The following TNRC6A variants were observed in gnomAD, a reference collection of about 807,000 sequenced individuals.
TNRC6A encodes the protein trinucleotide repeat-containing gene 6A protein.
In TNRC6A, 44 loss-of-function variants were observed where a neutral mutation model predicts 221.2. The ratio of observed to expected loss-of-function variants is 0.20; its 90% CI spans 0.16 to 0.26. The LOEUF (loss-of-function observed/expected upper bound fraction) is 0.26, where lower values mean the gene tolerates loss of function less well. Ranked by LOEUF, TNRC6A falls within the 10% of genes least tolerant of loss-of-function variation. The pLI, the probability that TNRC6A is intolerant of heterozygous loss-of-function variation, is 1.00. For missense variants in TNRC6A, 2,199 were observed against 2,404.4 expected, an observed-to-expected ratio of 0.91 and a Z score of 1.79; for synonymous variants, 847 against 838.5, an observed-to-expected ratio of 1.01 and a Z score of -0.18.
intron 2 of TNRC6A, among the ~76,000 whole-genome samples, chr16:24,698,888 T>G (rs940343729): frequency 6.6e-6 from 1 of 152,152 alleles, no homozygotes; most frequent in African/African-American, 2.4e-5. Flanking sequence ...TTTTGTATTT[T>G]TAGTAGAGAC....
intron 2 of TNRC6A, chr16:24,665,082 T>G (rs1252066013): frequency 2.3e-6 from 1 of 430,468 alleles, no homozygotes; most frequent in Non-Finnish European, 4.7e-6. Context: ...TTATTTATGT[T>G]AGAGACAAGG....
chr16:24,688,646 G>A (rs1348969714), intron 2 of TNRC6A, among the ~76,000 whole-genome samples: 1 of 152,158 alleles, frequency 6.6e-6, no homozygotes, highest in Non-Finnish European at 1.5e-5. Context: ...TCAGACAAGG[G>A]GCTCATGATC....
intron 2 of TNRC6A, among the ~76,000 whole-genome samples, chr16:24,649,807 T>C (rs1336529852): frequency 1.4e-5 from 2 of 142,244 alleles, no homozygotes; most frequent in African/African-American, 2.6e-5. Context: ...GCTTCCAGTC[T>C]CTCTCTCTCT....
intron 5 of TNRC6A, among the ~76,000 whole-genome samples, chr16:24,782,885 T>C (rs1362798422): frequency 6.6e-6 from 1 of 151,624 alleles, no homozygotes; most frequent in East Asian, 1.9e-4. Flanking sequence ...AAAAAAAGAG[T>C]GATTTGAAAC....
At chr16:24,758,240 GTA>G in intron 3 of TNRC6A, 97 bp from the exon 4 acceptor site, 2 of 1,180,528 alleles carry the variant, frequency 1.7e-6, no homozygotes, top group Non-Finnish European at 2.4e-6. Flanking sequence ...TAATAAAGGT[GTA>G]TATGTCTTAT....
At chr16:24,642,001 T>C (rs1158525221) in intron 2 of TNRC6A, among the ~76,000 whole-genome samples, 5 of 152,154 alleles carry the variant, frequency 3.3e-5, no homozygotes, top group Admixed American at 2.0e-4. Flanking sequence ...AGATGTATAT[T>C]GATAGGTTGG....
At chr16:24,728,472 A>AT (rs917231620), upstream of TNRC6A, among the ~76,000 whole-genome samples, 27 of 140,482 alleles carry the variant, frequency 1.9e-4, no homozygotes, top group Non-Finnish European at 4.0e-4. Context: ...TAATAAAAAA[A>AT]TAAAAAAAAA....
chr16:24,658,425 G>A (rs530479908), intron 2 of TNRC6A, among the ~76,000 whole-genome samples: 5 of 152,204 alleles, frequency 3.3e-5, no homozygotes, highest in Admixed American at 6.5e-5. Context: ...GCAGTGGCAC[G>A]GTCTTGGCTC....
chr16:24,637,958 T>A (rs924195482), intron 1 of TNRC6A, among the ~76,000 whole-genome samples: 1 of 152,022 alleles, frequency 6.6e-6, no homozygotes, highest in African/African-American at 2.4e-5. Flanking sequence ...CTAACTTTTG[T>A]ATTTTTAGTA....
chr16:24,645,229 GGCACAGTGGCTCAT>G (rs146168170), intron 2 of TNRC6A, among the ~76,000 whole-genome samples: 8,449 of 152,228 alleles, frequency 0.056, 325 homozygotes, highest in East Asian at 0.15. Flanking sequence ...GTCCAGGCTG[GGCACAGTGGCTCAT>G]GCCTATAATC....
chr16:24,634,209 T>C lies in TNRC6A; in HGVS notation n.277-6675T>C, dbSNP rs372631519. ...AATCCCAGCACTTTGGGAGGTTTGC[T>C]TGAGCTCAGGAGTTGAAGGCCAGCC... On this transcript the variant is annotated intron_variant and non_coding_transcript_variant, in intron 1 of 2. Coordinates refer to the TNRC6A transcript ENST00000566108. Among the ~76,000 whole-genome samples the C allele has an allele frequency of 5.1e-4, 78 of 152,162 alleles. 1 individual carries two copies. The South Asian group carries it at 0.016, about 30-fold the overall frequency.
At chr16:24,810,759 A>G (rs2152032859) in intron 18 of TNRC6A, among the ~76,000 whole-genome samples, 1 of 152,336 alleles carries the variant, frequency 6.6e-6, no homozygotes, top group African/African-American at 2.4e-5. Flanking sequence ...TTGTGCCAAG[A>G]ATGATTTTAA....
chr16:24,689,755 G>A (rs2055713672), intron 2 of TNRC6A, among the ~76,000 whole-genome samples: 1 of 151,520 alleles, frequency 6.6e-6, no homozygotes, highest in Non-Finnish European at 1.5e-5. Flanking sequence ...CACATGCTAT[G>A]AGAAAAAAAA....
chr16:24,692,106 A>C (rs1171887012), intron 2 of TNRC6A, among the ~76,000 whole-genome samples: 1 of 152,182 alleles, frequency 6.6e-6, no homozygotes, highest in Non-Finnish European at 1.5e-5. Context: ...TTGGGTCTCT[A>C]ACATGGGGTT....
At position 24,777,257 on chromosome 16, in the gene TNRC6A, G is replaced by T. The variant is rs760906879; in HGVS notation, c.488G>T (p.Gly163Val). The change falls in exon 5 of 25, where the codon GGA (glycine) becomes GTA (valine). Residue 163 changes from glycine (G) to valine (V), a missense_variant. Physicochemically the swap from Gly to Val is moderately radical, Grantham distance 109. This residue lies in a region of TNRC6A where 1,405 missense variants were observed against 1,400.2 expected (regional missense o/e 1.00). Coordinates refer to ENST00000395799, the MANE Select transcript of TNRC6A (RefSeq NM_014494.4). ...QHFPVIAANL[G>V]SAVKVLNSQS... ...TTTCCTGTTATAGCAGCAAACCTTG[G>T]ATCTGCTGTTAAGGTGTTAAACAGC... The T allele has an allele frequency of 1.2e-6, 2 of 1,614,148 alleles. No individual in the cohort carries two copies. The highest frequency in any genetic ancestry group is 1.7e-6 in the Non-Finnish European group (2 of 1,180,038).
At chr16:24,762,292 A>G (rs1303735120) in intron 4 of TNRC6A, among the ~76,000 whole-genome samples, 5 of 152,210 alleles carry the variant, frequency 3.3e-5, no homozygotes, top group South Asian at 4.1e-4. Context: ...GTCAAACACA[A>G]TGTTACTACA....
chr16:24,797,503 G>T lies in TNRC6A; in HGVS notation c.3575G>T (p.Gly1192Val). ...TATTTTACAAAGGGAATGATGAAAG[G>T]TGGAAACAAACAAGAAGAAGCGTGG... ...KRRRERGMMK[G>V]GNKQEEAWIN... Residue 1192 changes from glycine to valine, a missense_variant, in exon 10 of 25, where the codon GGT (glycine) becomes GTT (valine). Physicochemically the swap from Gly to Val is moderately radical, Grantham distance 109. Coordinates refer to ENST00000395799, the MANE Select transcript of TNRC6A (RefSeq NM_014494.4). 6.2e-7 allele frequency: 1 copy of T among 1,610,784 alleles called. No homozygotes were observed. Among genetic ancestry groups the T allele is most frequent in the Non-Finnish European group, 8.5e-7 (1 of 1,179,064 alleles).
At chr16:24,751,401 T>C (rs914943984) in intron 3 of TNRC6A, among the ~76,000 whole-genome samples, 1 of 152,190 alleles carries the variant, frequency 6.6e-6, no homozygotes, top group African/African-American at 2.4e-5. Context: ...AAAATAAACC[T>C]CGGACATTGT....
intron 2 of TNRC6A, among the ~76,000 whole-genome samples, chr16:24,733,461 A>G (rs914694735): frequency 1.3e-5 from 2 of 152,240 alleles, no homozygotes; most frequent in African/African-American, 4.8e-5. Flanking sequence ...TAAAATTGTC[A>G]CATTATGTTA....
Sources: gnomAD v4.1 joint callset for allele counts (sites outside exome capture counted in the v4.1 genomes callset) on GRCh38, gnomAD v4.1.1 for gene constraint, gnomAD v4.1.1 regional missense constraint, MANE v1.5 for transcripts, NCBI Gene and HGNC (gene_info 2026-07-23, HGNC 2026-07-21) for gene names.